The following KCNIP3 variants were observed in gnomAD, a reference collection of about 807,000 sequenced individuals.
The protein encoded by KCNIP3 is potassium voltage-gated channel interacting protein 3.
Under a neutral mutation model 35.0 loss-of-function variants are expected in KCNIP3, and 28 were observed. That is an observed-to-expected ratio of 0.80 (90% CI 0.59 to 1.10). The LOEUF is 1.10. Among genes scored for constraint, KCNIP3 ranks in the 50% least tolerant of loss-of-function variants. KCNIP3 has a pLI of 0.00. For missense variants in KCNIP3, 295 were observed against 338.4 expected (o/e 0.87, Z 1.01); for synonymous variants, 134 against 133.8 (o/e 1.00, Z -0.01).
At chr2:95,299,417 G>T (rs1298633401) in intron 1 of KCNIP3, among the ~76,000 whole-genome samples, 1 of 152,180 alleles carries the variant, frequency 6.6e-6, no homozygotes, top group East Asian at 1.9e-4. Flanking sequence ...ACTCCTCAGG[G>T]TCACGGTCAG....
chr2:95,306,175 C>T (rs567439459), intron 1 of KCNIP3, among the ~76,000 whole-genome samples: 1 of 152,318 alleles, frequency 6.6e-6, no homozygotes, highest in African/African-American at 2.4e-5. Flanking sequence ...ATCTTTGGTT[C>T]TAGCTGTTCG....
At chr2:95,325,398 A>G (rs1558763412) in intron 2 of KCNIP3, among the ~76,000 whole-genome samples, 2 of 152,146 alleles carry the variant, frequency 1.3e-5, no homozygotes, top group Non-Finnish European at 2.9e-5. Context: ...AAAGAACACA[A>G]GAGGACAGTC....
intron 2 of KCNIP3, chr2:95,346,850 C>G (rs1470490754): frequency 4.0e-6 from 1 of 252,580 alleles, no homozygotes; most frequent in Non-Finnish European, 7.4e-6. Context: ...CCGCCGCCGC[C>G]CTCCACGGGG....
intron 1 of KCNIP3, 180 bp from the exon 2 acceptor site, chr2:95,310,175 A>G (rs1197024954): frequency 1.3e-6 from 1 of 742,496 alleles, no homozygotes; most frequent in Non-Finnish European, 2.4e-6. Flanking sequence ...GAGTGAAAGG[A>G]ACCTCCCCAG....
At position 95,374,371 on chromosome 2, in the gene KCNIP3, C is replaced by T. The variant is rs756829479; in HGVS notation, c.257C>T (p.Thr86Ile). ...PEGLDQLQAQ[T>I]KFTKKELQSL... ...GGGCTGGACCAGCTGCAGGCCCAGA[C>T]CAAGTTCACCAAGAAGGAGCTGCAG... The change falls in exon 3 of 9, where the codon ACC (threonine) becomes ATC (isoleucine). Residue 86 changes from threonine to isoleucine, a missense_variant. Thr to Ile is a moderately conservative substitution (Grantham distance 89). Coordinates refer to ENST00000295225, the MANE Select transcript of KCNIP3 (RefSeq NM_013434.5). The T allele has an allele frequency of 1.2e-6, 2 of 1,614,074 alleles. No homozygotes were observed. Among genetic ancestry groups the T allele is most frequent in the Non-Finnish European group, 1.7e-6 (2 of 1,180,006 alleles).
At chr2:95,325,840 C>T (rs1170761691) in intron 2 of KCNIP3, among the ~76,000 whole-genome samples, 1 of 85,036 alleles carries the variant, frequency 1.2e-5, no homozygotes, top group African/African-American at 6.0e-5. Flanking sequence ...CTCATACACA[C>T]TCATACACAC....
chr2:95,331,888 G>A (rs1055863865), intron 2 of KCNIP3, among the ~76,000 whole-genome samples: 2 of 152,186 alleles, frequency 1.3e-5, no homozygotes, highest in Admixed American at 6.5e-5. Context: ...TGCAGGCCTG[G>A]GCAACTTCTT....
chr2:95,325,943 ACACT>A (rs1403391635), intron 2 of KCNIP3, among the ~76,000 whole-genome samples: 17 of 151,630 alleles, frequency 1.1e-4, no homozygotes, highest in East Asian at 1.9e-4. Context: ...ATACACATAC[ACACT>A]CACACATACA....
chr2:95,330,642 G>T lies in KCNIP3; in HGVS notation c.181+20122G>T, dbSNP rs545615937. On this transcript the variant is annotated intron_variant, in intron 2 of 8. Coordinates refer to ENST00000295225, the MANE Select transcript of KCNIP3 (RefSeq NM_013434.5). ...CAGGCACACAGTCACTAGAACTGCA[G>T]CTGGCCTGGAGCCAGTGGCCACCGA... Among the ~76,000 whole-genome samples the T allele has an allele frequency of 9.8e-5, 15 of 152,326 alleles. No individual in the cohort carries two copies. The South Asian group carries it at 2.7e-3, about 27-fold the overall frequency.
At chr2:95,312,939 G>C (rs1408166710) in intron 2 of KCNIP3, 1 of 152,414 alleles carries the variant, frequency 6.6e-6, no homozygotes, top group Admixed American at 6.5e-5. Flanking sequence ...CAAGGAGGCC[G>C]GGCTGGTGTG....
intron 2 of KCNIP3, among the ~76,000 whole-genome samples, chr2:95,345,306 C>A (rs574171541): frequency 1.3e-5 from 2 of 152,250 alleles, no homozygotes; most frequent in African/African-American, 2.4e-5. Flanking sequence ...TAGGTTTCCT[C>A]CCCCGTAAAA....
At chr2:95,329,669 T>C (rs1203346327) in intron 2 of KCNIP3, among the ~76,000 whole-genome samples, 4 of 152,170 alleles carry the variant, frequency 2.6e-5, no homozygotes, top group Non-Finnish European at 5.9e-5. Flanking sequence ...AGGCTGAAGC[T>C]GTGCCCTCTG....
chr2:95,300,129 G>A (rs1677984940), intron 1 of KCNIP3, among the ~76,000 whole-genome samples: 2 of 152,334 alleles, frequency 1.3e-5, no homozygotes, highest in South Asian at 2.1e-4. Context: ...TAACCAGATG[G>A]CAGAGGAGGG....
At chr2:95,372,976 G>A (rs1680074608) in intron 2 of KCNIP3, among the ~76,000 whole-genome samples, 1 of 152,226 alleles carries the variant, frequency 6.6e-6, no homozygotes, top group Non-Finnish European at 1.5e-5. Context: ...TATGGAGCAA[G>A]CTCAGCACAG....
rs146247024 is a variant in KCNIP3, at chr2:95,310,369, G to A, written c.30G>A (p.Ala10=). 1.1e-5 allele frequency: 17 copies of A among 1,611,752 alleles called. No homozygotes were observed. Among genetic ancestry groups the A allele is most frequent in the Middle Eastern group, 1.7e-4 (1 of 6,050 alleles). The change falls in exon 2 of 9, where the codon GCG becomes GCA. Residue 10 remains alanine, a synonymous_variant. Transcript: ENST00000295225. ...TCCTACTGCAGGAAGTGACAAAGGC[G>A]TCGGACGGCAGCCTCCTGGGGGACC... MQPAKEVTK[A]SDGSLLGDLG...
At chr2:95,379,785 A>C (rs902534001) in intron 5 of KCNIP3, among the ~76,000 whole-genome samples, 1 of 151,910 alleles carries the variant, frequency 6.6e-6, no homozygotes, top group African/African-American at 2.4e-5. Flanking sequence ...GCTGACACTG[A>C]CCCGTGATGG....
intron 2 of KCNIP3, among the ~76,000 whole-genome samples, chr2:95,349,283 C>G (rs1364988598): frequency 6.6e-6 from 1 of 152,094 alleles, no homozygotes; most frequent in Non-Finnish European, 1.5e-5. Context: ...CACTGGGGGC[C>G]GGAAGGGGAC....
In KCNIP3 at chr2:95,382,286, G is replaced by T; in HGVS notation, c.556-91G>T. The T allele has an allele frequency of 1.4e-6, 1 of 713,506 alleles. No homozygotes were observed. Among genetic ancestry groups the T allele is most frequent in the East Asian group, 3.0e-5 (1 of 33,424 alleles). 44.2% of individuals were successfully genotyped at this position (713,506 alleles called of 1,614,324 possible). On this transcript the variant is annotated intron_variant, in intron 6 of 8. Coordinates refer to ENST00000295225, the MANE Select transcript of KCNIP3 (RefSeq NM_013434.5). The surrounding 1 kb of genome is among the most constrained non-coding windows in gnomAD (Gnocchi z 4.5). ...GCCCCTCGCACTCACTGCCTTGGAGGTGCCCTGCACCCTTGGATGCCGCCC... is the reference window on the plus strand; with the variant it reads ...GCCCCTCGCACTCACTGCCTTGGAGTTGCCCTGCACCCTTGGATGCCGCCC...
At chr2:95,325,880 CAT>C (rs1678751950) in intron 2 of KCNIP3, among the ~76,000 whole-genome samples, 1 of 150,500 alleles carries the variant, frequency 6.6e-6, no homozygotes, top group South Asian at 2.1e-4. Flanking sequence ...TACACTCAGA[CAT>C]ACACACACTC....
Sources: gnomAD v4.1 joint callset for allele counts (sites outside exome capture counted in the v4.1 genomes callset) on GRCh38, gnomAD v4.1.1 for gene constraint, Gnocchi (gnomAD v3.1) non-coding constraint, MANE v1.5 for transcripts, NCBI Gene and HGNC (gene_info 2026-07-23, HGNC 2026-07-21) for gene names.